The following MICAL2 variants were observed in gnomAD, a reference collection of about 807,000 sequenced individuals.
MICAL2 encodes the protein [F-actin]-monooxygenase MICAL2.
MICAL2 carries 77 observed loss-of-function variants against 127.3 expected under a neutral mutation model. That is an observed-to-expected ratio of 0.60 (90% CI 0.50 to 0.73). The LOEUF (loss-of-function observed/expected upper bound fraction) is 0.73. MICAL2 is among the 30% of genes least tolerant of loss of function. The pLI is 0.00. For synonymous variants in MICAL2, 570 were observed against 551.1 expected, an observed-to-expected ratio of 1.03 and a Z score of -0.48; for missense variants, 1,351 against 1,434.4, an observed-to-expected ratio of 0.94 and a Z score of 0.94.
At chr11:12,349,756 A>T in intron 32 of MICAL2, 1 of 1,352,206 alleles carries the variant, frequency 7.4e-7, no homozygotes, top group Non-Finnish European at 1.1e-6. Flanking sequence ...TACAAACATA[A>T]CCTGCTAAAG....
chr11:12,114,001 G>T (rs1849799511), intron 1 of MICAL2, among the ~76,000 whole-genome samples: 1 of 152,150 alleles, frequency 6.6e-6, no homozygotes, highest in South Asian at 2.1e-4. Flanking sequence ...TATTTCCTTA[G>T]CTTTTATGCG....
intron 12 of MICAL2, 43 bp downstream of exon 12, chr11:12,223,544 C>A: frequency 6.5e-7 from 1 of 1,549,790 alleles, no homozygotes; most frequent in Non-Finnish European, 8.9e-7. Context: ...CTGGGAAGAG[C>A]TTTGAGGGGA....
intron 1 of MICAL2, among the ~76,000 whole-genome samples, chr11:12,132,076 G>T (rs1031795473): frequency 1.3e-5 from 2 of 152,152 alleles, no homozygotes; most frequent in African/African-American, 4.8e-5. Flanking sequence ...CAGGCAGCAA[G>T]GCAGGGATCC....
At chr11:12,308,665 T>C (rs1303463653) in intron 29 of MICAL2, among the ~76,000 whole-genome samples, 1 of 152,252 alleles carries the variant, frequency 6.6e-6, no homozygotes, top group Non-Finnish European at 1.5e-5. Flanking sequence ...AAGACAATCA[T>C]GTTGTCTGCC....
At position 12,239,490 on chromosome 11, in the gene MICAL2, A is replaced by G; in HGVS notation, c.2119A>G (p.Lys707Glu). The G allele has an allele frequency of 6.2e-7, 1 of 1,614,228 alleles. No homozygotes were observed. The highest frequency in any genetic ancestry group is 8.5e-7 in the Non-Finnish European group (1 of 1,180,036). Residue 707 changes from lysine to glutamate, a missense_variant, in exon 17 of 28, where the codon AAG (lysine) becomes GAG (glutamate). Transcript: ENST00000683283. ...CTCCAATCAAGAGTGTGGGAGCAGT[A>G]AGGAAGGTGGAAATCAGAACAAAGT... ...LGSNQECGSSKEGGNQNKVKS... is the reference protein window; with the variant it reads ...LGSNQECGSSEEGGNQNKVKS...
chr11:12,257,502 C>T (rs1485875335), intron 24 of MICAL2, among the ~76,000 whole-genome samples: 1 of 152,212 alleles, frequency 6.6e-6, no homozygotes, highest in Admixed American at 6.5e-5. Flanking sequence ...CAGCACTTGA[C>T]ATTTGCTCTG....
downstream of MICAL2, among the ~76,000 whole-genome samples, chr11:12,293,240 T>C (rs1296081347): frequency 3.4e-4 from 52 of 152,072 alleles, 1 homozygote; most frequent in Admixed American, 3.2e-3. Context: ...AGTCCTACCA[T>C]CATGGGCCCG....
intron 3 of MICAL2, among the ~76,000 whole-genome samples, chr11:12,193,195 TAGAA>T (rs1297610334): frequency 6.6e-6 from 1 of 152,128 alleles, no homozygotes; most frequent in Non-Finnish European, 1.5e-5. Context: ...AGAGACTTCA[TAGAA>T]AGAGAAGGGG....
chr11:12,198,085 C>A (rs373887916), intron 3 of MICAL2, among the ~76,000 whole-genome samples: 2 of 152,072 alleles, frequency 1.3e-5, no homozygotes, highest in African/African-American at 4.8e-5. Context: ...CCCTGGGGAG[C>A]CCCTACTGGC....
chr11:12,173,162 A>G (rs1846799975), intron 3 of MICAL2, among the ~76,000 whole-genome samples: 1 of 152,208 alleles, frequency 6.6e-6, no homozygotes. Context: ...TCTATGTGAC[A>G]GATTTCACTG....
At chr11:12,335,719 C>G (rs1285159369) in intron 32 of MICAL2, among the ~76,000 whole-genome samples, 3 of 152,090 alleles carry the variant, frequency 2.0e-5, no homozygotes, top group Admixed American at 1.3e-4. Flanking sequence ...GAATCCTTTC[C>G]CCATTTCTTG....
intron 1 of MICAL2, among the ~76,000 whole-genome samples, chr11:12,131,343 C>T (rs1204573915): frequency 6.6e-6 from 1 of 152,008 alleles, no homozygotes; most frequent in Admixed American, 6.6e-5. Flanking sequence ...TAGAATTGCC[C>T]CAAGGTAATG....
rs377437947 is a variant in MICAL2, at chr11:12,212,179, G to A, written c.692-1076G>A. Reference sequence around the variant, plus strand: ...TGCGCTTCAGTTATTGCTGTCAGGTGCGTTTACCCTGCACCAGCTGCTGTG... The same window carrying A: ...TGCGCTTCAGTTATTGCTGTCAGGTACGTTTACCCTGCACCAGCTGCTGTG... On this transcript the variant is annotated intron_variant, in intron 6 of 27. Coordinates refer to ENST00000683283, the MANE Select transcript of MICAL2 (RefSeq NM_001282663.2). Among the ~76,000 whole-genome samples, 13 of 152,262 alleles carry A rather than the reference G, an allele frequency of 8.5e-5. No individual in the cohort carries two copies. The East Asian group carries it at 2.1e-3, about 25-fold the overall frequency.
chr11:12,333,189 T>C (rs918659290), intron 32 of MICAL2, among the ~76,000 whole-genome samples: 2 of 152,082 alleles, frequency 1.3e-5, no homozygotes, highest in Non-Finnish European at 2.9e-5. Flanking sequence ...TTCAAAAAGA[T>C]AAAAGAATAT....
At chr11:12,319,744 C>A (rs1490384417) in exon 30 of MICAL2, 2 of 1,614,134 alleles carry the variant, frequency 1.2e-6, no homozygotes, top group Non-Finnish European at 1.7e-6. Flanking sequence ...GCTTCCTCTT[C>A]TGCCTCTTCA....
intron 3 of MICAL2, among the ~76,000 whole-genome samples, chr11:12,178,338 C>T (rs1298173350): frequency 6.6e-6 from 1 of 152,124 alleles, no homozygotes; most frequent in Non-Finnish European, 1.5e-5. Flanking sequence ...GTAACCATGG[C>T]CCGTGACACA....
At chr11:12,285,131 G>A (rs765013641) in intron 2 of MICAL2, among the ~76,000 whole-genome samples, 2 of 152,130 alleles carry the variant, frequency 1.3e-5, no homozygotes, top group Non-Finnish European at 1.5e-5. Flanking sequence ...TCAGGTCAGA[G>A]ATGAACTCAT....
chr11:12,228,370 C>T (rs1857755750), intron 15 of MICAL2, among the ~76,000 whole-genome samples: 1 of 152,132 alleles, frequency 6.6e-6, no homozygotes, highest in Admixed American at 6.5e-5. Flanking sequence ...GGCTAGGTGC[C>T]TTGGCCAGGT....
intron 34 of MICAL2, among the ~76,000 whole-genome samples, chr11:12,355,990 GA>G (rs1939122096): frequency 1.3e-5 from 2 of 152,028 alleles, no homozygotes; most frequent in African/African-American, 2.4e-5. Flanking sequence ...TTTATTAAAT[GA>G]ATAGTAATCC....
Sources: gnomAD v4.1 joint callset for allele counts (sites outside exome capture counted in the v4.1 genomes callset) on GRCh38, gnomAD v4.1.1 for gene constraint, MANE v1.5 for transcripts, NCBI Gene and HGNC (gene_info 2026-07-23, HGNC 2026-07-21) for gene names.